The following ZNF75D variants were observed in gnomAD, a reference collection of about 807,000 sequenced individuals.
ZNF75D encodes the protein zinc finger protein 75.
ZNF75D carries 33 observed loss-of-function variants against 33.3 expected under a neutral mutation model. That is an observed-to-expected ratio of 0.99 (90% CI 0.75 to 1.32). ZNF75D has a LOEUF of 1.32. Ranked by LOEUF, ZNF75D falls within the 40% of genes most tolerant of loss-of-function variation. The probability of loss-of-function intolerance (pLI) is 0.00; values close to 1 mark genes in which losing one functional copy is unlikely to be tolerated. For synonymous variants in ZNF75D, 113 were observed against 130.6 expected, an observed-to-expected ratio of 0.87 and a Z score of 0.92; for missense variants, 338 against 367.5, an observed-to-expected ratio of 0.92 and a Z score of 0.66.
intron 1 of ZNF75D, among the ~76,000 whole-genome samples, chrX:135,319,737 G>C (rs2084473373): frequency 1.8e-5 from 2 of 112,026 alleles, no homozygotes; most frequent in African/African-American, 3.3e-5. Flanking sequence ...GGAAGTAATG[G>C]GCACACAGTT....
intron 1 of ZNF75D, among the ~76,000 whole-genome samples, chrX:135,267,954 A>G (rs2083869001): frequency 9.1e-6 from 1 of 110,288 alleles, no homozygotes; most frequent in Non-Finnish European, 1.9e-5. Context: ...TTCAAGGATG[A>G]TTCAACATAT....
At chrX:135,299,819 C>CT (rs1313363348) in intron 1 of ZNF75D, among the ~76,000 whole-genome samples, 5 of 111,859 alleles carry the variant, frequency 4.5e-5, no homozygotes, top group African/African-American at 1.3e-4. Context: ...GGTACAACTT[C>CT]TTTTTTTTGC....
intron 1 of ZNF75D, among the ~76,000 whole-genome samples, chrX:135,339,177 C>T (rs2084753058): frequency 9.0e-6 from 1 of 111,139 alleles, no homozygotes; most frequent in Non-Finnish European, 1.9e-5. Flanking sequence ...TGCCATTTTC[C>T]CCTCTATCTT....
At position 135,278,035 on chromosome X, in the gene ZNF75D, T is replaced by C. The variant is rs782519027; in HGVS notation, n.828-22258A>G. On this transcript the variant is annotated intron_variant and non_coding_transcript_variant, in intron 1 of 3. Transcript: ENST00000494295. ...TTTCTAATTCTGTGAAGAAAGTCAA[T>C]GGTAGCTTGATGAGGATAGCACTGA... 6.3e-5 allele frequency among the ~76,000 whole-genome samples: 7 copies of C among 111,861 alleles called. No individual in the cohort carries two copies. The East Asian group carries it at 2.0e-3, about 31-fold the overall frequency.
chrX:135,279,689 T>G (rs923803061), intron 1 of ZNF75D, among the ~76,000 whole-genome samples: 3 of 112,097 alleles, frequency 2.7e-5, no homozygotes, highest in Admixed American at 9.5e-5. Context: ...ACATTGTATC[T>G]TTGTTCTCAT....
chrX:135,314,786 T>A (rs2084399681), intron 1 of ZNF75D, among the ~76,000 whole-genome samples: 2 of 112,177 alleles, frequency 1.8e-5, no homozygotes, highest in Non-Finnish European at 3.8e-5. Context: ...AATACTATGA[T>A]GATCTTTTGT....
chrX:135,276,675 T>C (rs782776152), intron 1 of ZNF75D, among the ~76,000 whole-genome samples: 21 of 105,466 alleles, frequency 2.0e-4, no homozygotes, highest in African/African-American at 6.9e-4. Flanking sequence ...GTGTGCGATG[T>C]TCCCCCCACT....
Position 135,337,959 on chromosome X carries a change from G to A in ZNF75D, c.-391+3809C>T, listed in dbSNP as rs186274124. 2.3e-4 allele frequency among the ~76,000 whole-genome samples: 26 copies of A among 110,639 alleles called. No homozygotes were observed. The East Asian group carries it at 6.8e-3, about 29-fold the overall frequency. On this transcript the variant is annotated intron_variant, in intron 1 of 6. Coordinates refer to ENST00000370766, the MANE Select transcript of ZNF75D (RefSeq NM_007131.5). ...GCAGAGAGGAAAGATGATGCAATTTGAGGATTTTGGGGGTTGAGAAGCCCT... is the reference window on the plus strand; with the variant it reads ...GCAGAGAGGAAAGATGATGCAATTTAAGGATTTTGGGGGTTGAGAAGCCCT...
intron 6 of ZNF75D, among the ~76,000 whole-genome samples, chrX:135,288,366 G>T (rs1464680399): frequency 1.8e-5 from 2 of 112,583 alleles, no homozygotes; most frequent in African/African-American, 6.4e-5. Flanking sequence ...TGGAGTTTCT[G>T]CTCTTTTTTA....
At chrX:135,330,100 A>C (rs1248869529) in intron 1 of ZNF75D, among the ~76,000 whole-genome samples, 1 of 112,412 alleles carries the variant, frequency 8.9e-6, no homozygotes, top group Non-Finnish European at 1.9e-5. Flanking sequence ...AAATTAAAAC[A>C]GGGATGAAAA....
At chrX:135,292,131 C>T in intron 4 of ZNF75D, 150 bp downstream of exon 4, 5 of 526,786 alleles carry the variant, frequency 9.5e-6, no homozygotes, top group Non-Finnish European at 1.6e-5. Flanking sequence ...TGACCCCCAC[C>T]TTCAACCACC....
intron 6 of ZNF75D, among the ~76,000 whole-genome samples, chrX:135,289,639 C>CAG (rs2084009416): frequency 1.7e-5 from 1 of 60,163 alleles, no homozygotes; most frequent in African/African-American, 4.3e-5. Flanking sequence ...CACACACACA[C>CAG]ACACACACAC....
chrX:135,312,660 CT>C (rs1215909520), intron 1 of ZNF75D, among the ~76,000 whole-genome samples: 159 of 98,591 alleles, frequency 1.6e-3, no homozygotes, highest in East Asian at 2.5e-3. Flanking sequence ...GCATCTGTGA[CT>C]TTTTTTTTTT....
At chrX:135,322,539 T>C (rs2084509477) in intron 1 of ZNF75D, among the ~76,000 whole-genome samples, 1 of 112,103 alleles carries the variant, frequency 8.9e-6, no homozygotes, top group African/African-American at 3.2e-5. Flanking sequence ...GATAGATAGG[T>C]AGATAGACAG....
chrX:135,301,991 G>A (rs1305751056), intron 1 of ZNF75D, among the ~76,000 whole-genome samples: 1 of 111,980 alleles, frequency 8.9e-6, no homozygotes, highest in Admixed American at 9.4e-5. Flanking sequence ...CTTGACTTCT[G>A]TACACCCACA....
Position 135,287,397 on chromosome X carries a change from A to G in ZNF75D, c.1273T>C (p.Trp425Arg), listed in dbSNP as rs1556419893. ...TTATGACTAAAGCTTTTCCCACACCATGAGCATCTATATGGTTTTATTCCT... is the reference window on the plus strand; with the variant it reads ...TTATGACTAAAGCTTTTCCCACACCGTGAGCATCTATATGGTTTTATTCCT... ...HQGIKPYRCS[W>R]CGKSFSHNTN... The change falls in exon 7 of 7, where the codon TGG becomes CGG. Residue 425 changes from tryptophan to arginine, a missense_variant. Physicochemically the swap from Trp to Arg is moderately radical, Grantham distance 101. Transcript: ENST00000370766. 1.7e-6 allele frequency: 2 copies of G among 1,210,321 alleles called. No homozygotes were observed. Among genetic ancestry groups the G allele is most frequent in the Non-Finnish European group, 2.2e-6 (2 of 895,188 alleles).
intron 1 of ZNF75D, among the ~76,000 whole-genome samples, chrX:135,312,638 A>C (rs1244342644): frequency 9.3e-6 from 1 of 107,542 alleles, no homozygotes; most frequent in African/African-American, 3.4e-5. Flanking sequence ...TCTTTTCTCC[A>C]CATCCTTGCC....
chrX:135,334,623 G>A (rs1433701296), intron 1 of ZNF75D, among the ~76,000 whole-genome samples: 2 of 110,745 alleles, frequency 1.8e-5, no homozygotes, highest in Non-Finnish European at 3.8e-5. Context: ...TCTTTTCTAT[G>A]GGCTGCCCTA....
chrX:135,280,336 CT>C (rs2083915539), intron 1 of ZNF75D, among the ~76,000 whole-genome samples: 1 of 111,848 alleles, frequency 8.9e-6, no homozygotes, highest in Admixed American at 9.5e-5. Context: ...TTTCCATTTA[CT>C]TGGTAAATAT....
Sources: gnomAD v4.1 joint callset for allele counts (sites outside exome capture counted in the v4.1 genomes callset) on GRCh38, gnomAD v4.1.1 for gene constraint, MANE v1.5 for transcripts, NCBI Gene and HGNC (gene_info 2026-07-23, HGNC 2026-07-21) for gene names.